CUL3: variants seen among roughly 807,000 people sequenced by gnomAD.
The protein encoded by CUL3 is cullin-3.
CUL3 carries 19 observed loss-of-function variants against 89.1 expected under a neutral mutation model. The observed-to-expected ratio is 0.21, with a 90% confidence interval of 0.15 to 0.31. CUL3 has a LOEUF of 0.31. Ranked by LOEUF, CUL3 falls within the 10% of genes least tolerant of loss-of-function variation. The pLI is 1.00. For synonymous variants in CUL3, 351 were observed against 308.4 expected (o/e 1.14, Z -1.45); for missense variants, 469 against 942.3 (o/e 0.50, Z 6.58).
intron 1 of CUL3, among the ~76,000 whole-genome samples, chr2:224,578,330 AT>A (rs1695356273): frequency 6.6e-6 from 1 of 152,140 alleles, no homozygotes; most frequent in African/African-American, 2.4e-5. Context: ...ACAGTAAGAA[AT>A]TTTTTAACAG....
intron 7 of CUL3, among the ~76,000 whole-genome samples, chr2:224,506,443 C>T (rs1692604906): frequency 6.6e-6 from 1 of 151,948 alleles, no homozygotes; most frequent in South Asian, 2.1e-4. Context: ...AAAAAATGTA[C>T]CAAAAAAAGC....
In CUL3 at chr2:224,531,714, T is replaced by C. The variant is rs182143254; in HGVS notation, c.378+3814A>G. On this transcript the variant is annotated intron_variant, in intron 3 of 15. Transcript: ENST00000264414. The stretch of plus-strand genomic sequence containing the variant: ...CTTACCAGAAATATAAGGTAAGACA[T>C]AAAGAATAAGTAGAGCAAGTGACAT... Among the ~76,000 whole-genome samples the C allele has an allele frequency of 8.6e-5, 13 of 151,812 alleles. No homozygotes were observed. In the East Asian group the frequency reaches 2.3e-3, roughly 27 times the overall value.
chr2:224,503,924 ATATCTGG>A, intron 8 of CUL3, 102 bp from the exon 9 acceptor site: 1 of 893,616 alleles, frequency 1.1e-6, no homozygotes, highest in South Asian at 2.2e-5. Flanking sequence ...GAAAACATAG[ATATCTGG>A]TTGACATACA....
chr2:224,544,412 C>G (rs1694227349), intron 2 of CUL3, among the ~76,000 whole-genome samples: 1 of 152,038 alleles, frequency 6.6e-6, no homozygotes, highest in African/African-American at 2.4e-5. Flanking sequence ...ACAAAAATAG[C>G]ACTTAATGCC....
intron 3 of CUL3, among the ~76,000 whole-genome samples, chr2:224,519,951 AAG>A (rs1353289990): frequency 6.6e-6 from 1 of 152,224 alleles, no homozygotes; most frequent in African/African-American, 2.4e-5. Flanking sequence ...AAAAAAATTA[AAG>A]ACTGATTTTA....
intron 2 of CUL3, among the ~76,000 whole-genome samples, chr2:224,554,956 T>A (rs980058721): frequency 2.6e-5 from 4 of 152,168 alleles, no homozygotes; most frequent in Non-Finnish European, 5.9e-5. Flanking sequence ...CTTACTATAG[T>A]TTGCTCCTAA....
At position 224,511,271 on chromosome 2, in the gene CUL3, A is replaced by C. The variant is rs554022104; in HGVS notation, c.883+83T>G. ...CCAAAACTTCTTGAAAGCTGATATT[A>C]TCTGCTTTAATTGTAGGAAAATTTT... On this transcript the variant is annotated intron_variant, in intron 6 of 15. Transcript: ENST00000264414. The C allele has an allele frequency of 5.2e-6, 5 of 961,262 alleles. No homozygotes were observed. The African/African-American group carries it at 6.7e-5, about 13-fold the overall frequency. 59.5% of individuals were successfully genotyped at this position (961,262 alleles called of 1,614,324 possible). A position where few individuals can be genotyped will look rare whatever the true frequency, so the allele number is the denominator to read the frequency against.
intron 6 of CUL3, among the ~76,000 whole-genome samples, chr2:224,509,975 G>C (rs1443647465): frequency 1.3e-5 from 2 of 152,074 alleles, no homozygotes; most frequent in African/African-American, 4.8e-5. Flanking sequence ...ATTTTTAATG[G>C]CTGAGGAAAA....
chr2:224,503,096 A>G lies in CUL3; in HGVS notation c.1378-24T>C, dbSNP rs764763365. 4.5e-6 allele frequency: 6 copies of G among 1,334,922 alleles called. No individual in the cohort carries two copies. The East Asian group carries it at 1.4e-4, about 31-fold the overall frequency. 82.7% of individuals were successfully genotyped at this position (1,334,922 alleles called of 1,614,324 possible). On this transcript the variant is annotated intron_variant, in intron 9 of 15. Coordinates refer to ENST00000264414, the MANE Select transcript of CUL3 (RefSeq NM_003590.5). ...GTCTGTGGAGGAAAAACACAAATAT[A>G]CACAAATAAATGGTAGATGTTTCTA...
At chr2:224,483,428 G>T (rs2106155150) in intron 13 of CUL3, among the ~76,000 whole-genome samples, 1 of 152,236 alleles carries the variant, frequency 6.6e-6, no homozygotes, top group African/African-American at 2.4e-5. Flanking sequence ...TATATAATGA[G>T]AGAGTTAAGC....
intron 1 of CUL3, among the ~76,000 whole-genome samples, chr2:224,571,425 C>G (rs1695177639): frequency 6.6e-6 from 1 of 151,998 alleles, no homozygotes; most frequent in Admixed American, 6.6e-5. Flanking sequence ...TATAAAAACT[C>G]TATAAACTGT....
intron 13 of CUL3, among the ~76,000 whole-genome samples, chr2:224,489,419 AAAATCAATGTGCAG>A (rs1338523807): frequency 5.9e-5 from 9 of 152,252 alleles, no homozygotes; most frequent in African/African-American, 1.4e-4. Flanking sequence ...CTCAGGACAC[AAAATCAATGTGCAG>A]AAATCACAAG....
At chr2:224,582,292 G>A (rs1172092089) in intron 1 of CUL3, among the ~76,000 whole-genome samples, 4 of 152,156 alleles carry the variant, frequency 2.6e-5, no homozygotes, top group Non-Finnish European at 1.5e-5. Flanking sequence ...GGAACACTAG[G>A]TATTAACTAC....
At chr2:224,515,241 T>C (rs1013189277) in intron 3 of CUL3, among the ~76,000 whole-genome samples, 10 of 152,338 alleles carry the variant, frequency 6.6e-5, no homozygotes, top group South Asian at 4.1e-4. Flanking sequence ...ATGCATAAAA[T>C]AGAGCAGCAT....
chr2:224,533,038 G>A (rs770441345), intron 3 of CUL3: 1 of 152,188 alleles, frequency 6.6e-6, no homozygotes, highest in East Asian at 1.9e-4. Context: ...TACAAGGGAG[G>A]AAACCCAAGG....
rs749918111 is a variant in CUL3 at position 224,470,710 on chromosome 2, T to C, written c.*3535A>G. On this transcript the variant is annotated 3_prime_UTR_variant, in exon 16 of 16. Transcript: ENST00000264414. Reference sequence around the variant, plus strand: ...CATTCCAGAATAGCAGCAATCACCTTCCCTGTTTTCCTTCCTACCAAAAGT... The same window carrying C: ...CATTCCAGAATAGCAGCAATCACCTCCCCTGTTTTCCTTCCTACCAAAAGT... 12 of 231,526 alleles carry C rather than the reference T, an allele frequency of 5.2e-5. No individual in the cohort carries two copies. The highest frequency in any genetic ancestry group is 6.8e-5 in the Non-Finnish European group (8 of 117,242). The allele number at this position is 231,526 out of a possible 1,614,324, so 14.3% of individuals were successfully genotyped here.
intron 3 of CUL3, among the ~76,000 whole-genome samples, chr2:224,533,457 A>C (rs1220291870): frequency 1.3e-5 from 2 of 150,646 alleles, no homozygotes; most frequent in East Asian, 1.9e-4. Context: ...ATTTTGTTGC[A>C]AAAAAAAAGA....
chr2:224,561,744 G>A (rs186004663), intron 1 of CUL3, among the ~76,000 whole-genome samples: 4 of 152,152 alleles, frequency 2.6e-5, no homozygotes, highest in Admixed American at 1.3e-4. Context: ...GTACTGATGC[G>A]GCTAACTTTT....
At chr2:224,498,645 G>A (rs192734068) in intron 11 of CUL3, among the ~76,000 whole-genome samples, 3 of 152,238 alleles carry the variant, frequency 2.0e-5, no homozygotes, top group Non-Finnish European at 2.9e-5. Context: ...TTGCAACAGC[G>A]TGTTATCTGT....
Sources: allele counts gnomAD v4.1 joint callset (sites outside exome capture counted in the v4.1 genomes callset), GRCh38; gene constraint gnomAD v4.1.1; transcripts MANE v1.5; gene names NCBI Gene and HGNC (gene_info 2026-07-23, HGNC 2026-07-21).